Variants in NLGN1 observed in about 807,000 individuals in gnomAD.
The protein encoded by NLGN1 is neuroligin-1.
A neutral mutation model predicts 65.5 loss-of-function variants in NLGN1; 12 were observed. That is an observed-to-expected ratio of 0.18 (90% CI 0.12 to 0.30). The LOEUF (loss-of-function observed/expected upper bound fraction) is 0.30. Among genes scored for constraint, NLGN1 ranks in the 10% least tolerant of loss-of-function variants. The probability of loss-of-function intolerance (pLI) is 1.00; values close to 1 mark genes in which losing one functional copy is unlikely to be tolerated. For synonymous variants in NLGN1, 350 were observed against 359.5 expected, an observed-to-expected ratio of 0.97 and a Z score of 0.30; for missense variants, 750 against 1,007.1, an observed-to-expected ratio of 0.74 and a Z score of 3.46.
intron 4 of NLGN1, among the ~76,000 whole-genome samples, chr3:174,085,501 C>T (rs909536794): frequency 1.7e-4 from 26 of 151,954 alleles, no homozygotes; most frequent in African/African-American, 6.0e-4. Flanking sequence ...TACTCCAAAC[C>T]TCCTCCCAAA....
chr3:173,758,804 C>T lies in NLGN1; in HGVS notation c.494-48876C>T, dbSNP rs551644437. On this transcript the variant is annotated intron_variant, in intron 3 of 6. Coordinates refer to ENST00000457714, the Ensembl canonical transcript of NLGN1. ...AATTACATGAAGCTAAATAAATGAA[C>T]GCAGTGTAGGTTCTGATATCAGTTC... 5.3e-5 allele frequency among the ~76,000 whole-genome samples: 8 copies of T among 151,908 alleles called. No individual in the cohort carries two copies. In the East Asian group the frequency reaches 5.8e-4, roughly 11 times the overall value.
At chr3:173,850,631 G>A (rs1290564611) in intron 4 of NLGN1, among the ~76,000 whole-genome samples, 2 of 151,986 alleles carry the variant, frequency 1.3e-5, no homozygotes, top group African/African-American at 4.8e-5. Flanking sequence ...AATTTTTCTT[G>A]CTGATTTTAA....
At chr3:173,519,962 G>A (rs756652405) in intron 2 of NLGN1, among the ~76,000 whole-genome samples, 2 of 152,154 alleles carry the variant, frequency 1.3e-5, no homozygotes, top group Non-Finnish European at 2.9e-5. Flanking sequence ...GGACCTGGTA[G>A]AATCATGGGA....
chr3:174,042,847 A>G (rs1399736637), intron 4 of NLGN1, among the ~76,000 whole-genome samples: 1 of 152,330 alleles, frequency 6.6e-6, no homozygotes, highest in Admixed American at 6.5e-5. Context: ...TCTGAATCCA[A>G]AAATGGCTCT....
intron 3 of NLGN1, among the ~76,000 whole-genome samples, chr3:173,756,166 C>T (rs1253892354): frequency 6.6e-6 from 1 of 151,238 alleles, no homozygotes; most frequent in Non-Finnish European, 1.5e-5. Context: ...TTTTTGTATC[C>T]AATAAGATAA....
At chr3:174,164,800 G>A (rs1419726622) in intron 4 of NLGN1, among the ~76,000 whole-genome samples, 4 of 151,484 alleles carry the variant, frequency 2.6e-5, no homozygotes, top group South Asian at 2.1e-4. Flanking sequence ...GTGTGATGGC[G>A]CTGGCTTTCC....
At chr3:174,096,178 G>A (rs549823862) in intron 4 of NLGN1, among the ~76,000 whole-genome samples, 23 of 150,166 alleles carry the variant, frequency 1.5e-4, no homozygotes, top group Middle Eastern at 3.5e-3. Context: ...TGATATGTGT[G>A]TATAGAATAT....
the NLGN1 span, among the ~76,000 whole-genome samples, chr3:174,292,679 T>A: frequency 6.6e-6 from 1 of 151,476 alleles, no homozygotes; most frequent in African/African-American, 2.4e-5. Context: ...TTTGTAGAAG[T>A]TATTTCAGCT....
intron 4 of NLGN1, among the ~76,000 whole-genome samples, chr3:174,011,127 C>A (rs1040383144): frequency 6.6e-6 from 1 of 152,132 alleles, no homozygotes; most frequent in Non-Finnish European, 1.5e-5. Context: ...TATCAATTAC[C>A]AGTCACTGTG....
chr3:173,583,127 G>A (rs979809159), intron 2 of NLGN1, among the ~76,000 whole-genome samples: 1 of 152,064 alleles, frequency 6.6e-6, no homozygotes, highest in East Asian at 1.9e-4. Context: ...CTCAGTTACT[G>A]TTATTTTATG....
chr3:174,137,519 C>A (rs1721433943), intron 4 of NLGN1, among the ~76,000 whole-genome samples: 1 of 152,100 alleles, frequency 6.6e-6, no homozygotes, highest in Non-Finnish European at 1.5e-5. Context: ...GCACTAAAAT[C>A]TACTTTGGCA....
intron 4 of NLGN1, among the ~76,000 whole-genome samples, chr3:174,224,614 G>A (rs922891209): frequency 5.9e-5 from 9 of 152,188 alleles, no homozygotes; most frequent in South Asian, 2.1e-4. Flanking sequence ...CAGGAGAATC[G>A]CTTGAACCCA....
intron 4 of NLGN1, among the ~76,000 whole-genome samples, chr3:174,161,906 G>T (rs1357549848): frequency 6.6e-6 from 1 of 151,742 alleles, no homozygotes; most frequent in Non-Finnish European, 1.5e-5. Context: ...TGGGGCAATT[G>T]GACTGGTCTC....
intron 4 of NLGN1, among the ~76,000 whole-genome samples, chr3:173,983,396 T>G (rs1719191072): frequency 6.6e-6 from 1 of 152,182 alleles, no homozygotes; most frequent in African/African-American, 2.4e-5. Flanking sequence ...GCTCAGGAAA[T>G]GCTTCTGGTC....
chr3:173,685,636 G>A, intron 3 of NLGN1: 1 of 984,976 alleles, frequency 1.0e-6, no homozygotes, highest in Non-Finnish European at 1.2e-6. Context: ...ATTTAAGATG[G>A]TGAGCTCTAA....
chr3:174,231,897 T>C (rs1027597873), intron 4 of NLGN1, among the ~76,000 whole-genome samples: 3 of 152,230 alleles, frequency 2.0e-5, no homozygotes, highest in African/African-American at 7.2e-5. Flanking sequence ...TTCTCCTCTA[T>C]GAAGTTACAT....
At chr3:173,526,252 C>T (rs73043589) in intron 2 of NLGN1, among the ~76,000 whole-genome samples, 4,364 of 151,874 alleles carry the variant, frequency 0.029, 201 homozygotes, top group African/African-American at 0.096. Flanking sequence ...GGTACTCCTA[C>T]GTTGGGAATA....
chr3:174,176,236 G>A (rs998536835), intron 4 of NLGN1, among the ~76,000 whole-genome samples: 1 of 151,748 alleles, frequency 6.6e-6, no homozygotes, highest in Non-Finnish European at 1.5e-5. Flanking sequence ...ACCTAATTTA[G>A]ATCTAATGAA....
chr3:174,085,375 T>TA lies in NLGN1; in HGVS notation c.647-189936dup, dbSNP rs766866294. ...GATTACTCATTTATAAATGGTTTTA[T>TA]AAAATCGTATCCTCATAAGTCAGGT... On this transcript the variant is annotated intron_variant, in intron 4 of 6. Transcript: ENST00000457714. Among the ~76,000 whole-genome samples, 75 of 152,170 alleles carry TA rather than the reference T, an allele frequency of 4.9e-4. No individual in the cohort carries two copies. In the Middle Eastern group the frequency reaches 0.017, roughly 35 times the overall value.
Sources: allele counts gnomAD v4.1 joint callset (sites outside exome capture counted in the v4.1 genomes callset), GRCh38; gene constraint gnomAD v4.1.1; transcripts MANE v1.5; gene names NCBI Gene and HGNC (gene_info 2026-07-23, HGNC 2026-07-21).